KCNJ3: variants seen among roughly 807,000 people sequenced by gnomAD.
KCNJ3 encodes the protein G protein-activated inward rectifier potassium channel 1.
In KCNJ3, 4 loss-of-function variants were observed where a neutral mutation model predicts 39.2. The ratio of observed to expected loss-of-function variants is 0.10; its 90% CI spans 0.05 to 0.23. The LOEUF (loss-of-function observed/expected upper bound fraction) is 0.23. Among genes scored for constraint, KCNJ3 ranks in the 10% least tolerant of loss-of-function variants. The pLI, the probability that KCNJ3 is intolerant of heterozygous loss-of-function variation, is 1.00. For missense variants in KCNJ3, 276 were observed against 634.9 expected (o/e 0.43, Z 6.08); for synonymous variants, 230 against 237.4 (o/e 0.97, Z 0.29).
At chr2:154,815,279 A>G (rs531362583) in intron 2 of KCNJ3, among the ~76,000 whole-genome samples, 2 of 152,286 alleles carry the variant, frequency 1.3e-5, no homozygotes, top group South Asian at 4.1e-4. Context: ...GTAAACATAC[A>G]TGGTTATTAA....
At chr2:154,762,270 G>A (rs905502439) in intron 2 of KCNJ3, among the ~76,000 whole-genome samples, 16 of 152,252 alleles carry the variant, frequency 1.1e-4, no homozygotes, top group Non-Finnish European at 2.1e-4. Flanking sequence ...GGCTCTGATG[G>A]GATTCAACGT....
At chr2:154,724,917 G>GTATATATATATGTATATA (rs1685325678) in intron 2 of KCNJ3, among the ~76,000 whole-genome samples, 1 of 116,316 alleles carries the variant, frequency 8.6e-6, no homozygotes, top group African/African-American at 3.5e-5. Context: ...TACATATGAG[G>GTATATATATATGTATATA]TATATATATA....
chr2:154,733,541 C>T (rs930965457), intron 2 of KCNJ3, among the ~76,000 whole-genome samples: 2 of 152,124 alleles, frequency 1.3e-5, no homozygotes, highest in South Asian at 2.1e-4. Context: ...TATCCACTTG[C>T]GTTGTCTCAG....
At chr2:154,811,825 A>G (rs1432255291) in intron 2 of KCNJ3, among the ~76,000 whole-genome samples, 3 of 152,140 alleles carry the variant, frequency 2.0e-5, no homozygotes, top group Non-Finnish European at 4.4e-5. Flanking sequence ...GATGGGTGGT[A>G]TTTTACTTAA....
chr2:154,754,430 C>A (rs2017678), intron 2 of KCNJ3, among the ~76,000 whole-genome samples: 102,869 of 151,934 alleles, frequency 0.68, 38,529 homozygotes, highest in Non-Finnish European at 0.82. Flanking sequence ...TGTGCCACCA[C>A]GCCCAGCTAA....
intron 2 of KCNJ3, among the ~76,000 whole-genome samples, chr2:154,810,312 G>C (rs1412152987): frequency 6.6e-6 from 1 of 152,040 alleles, no homozygotes; most frequent in Non-Finnish European, 1.5e-5. Context: ...TTGAACTCTT[G>C]GACTCAAGGG....
At chr2:154,714,466 C>A (rs1009746220) in intron 2 of KCNJ3, among the ~76,000 whole-genome samples, 3 of 151,978 alleles carry the variant, frequency 2.0e-5, no homozygotes, top group Non-Finnish European at 4.4e-5. Flanking sequence ...CTAGATATTT[C>A]CTTTCTTTTA....
rs1397457495 is a variant in KCNJ3, at chr2:154,855,650, T to C, written c.*337T>C. ...TATATATATATATTTAAAGGGGAGA[T>C]ACTCTCCCTGACATTTCTAACATAT... On this transcript the variant is annotated 3_prime_UTR_variant, in exon 3 of 3. Coordinates refer to ENST00000295101, the MANE Select transcript of KCNJ3 (RefSeq NM_002239.4). 6.2e-6 allele frequency: 1 copy of C among 161,144 alleles called. No individual in the cohort carries two copies. Among genetic ancestry groups the C allele is most frequent in the African/African-American group, 2.4e-5 (1 of 41,418 alleles). The allele number at this position is 161,144 out of a possible 1,614,324, so 10.0% of individuals were successfully genotyped here.
At chr2:154,726,353 T>TA (rs962054029) in intron 2 of KCNJ3, among the ~76,000 whole-genome samples, 4 of 151,942 alleles carry the variant, frequency 2.6e-5, no homozygotes, top group African/African-American at 7.3e-5. Flanking sequence ...ACAAACACAT[T>TA]AAAAAATGCT....
At chr2:154,703,003 T>C (rs1361940923) in intron 1 of KCNJ3, among the ~76,000 whole-genome samples, 1 of 152,010 alleles carries the variant, frequency 6.6e-6, no homozygotes, top group East Asian at 1.9e-4. Context: ...CCAGTAGTTG[T>C]AATGTTGAAC....
intron 1 of KCNJ3, among the ~76,000 whole-genome samples, chr2:154,703,469 C>T: frequency 7.5e-6 from 1 of 133,860 alleles, no homozygotes; most frequent in South Asian, 2.5e-4. Context: ...TTCTTTTATC[C>T]TCCATATATA....
At chr2:154,841,469 C>CTCTT (rs1687576001) in intron 2 of KCNJ3, among the ~76,000 whole-genome samples, 1 of 152,182 alleles carries the variant, frequency 6.6e-6, no homozygotes, top group Non-Finnish European at 1.5e-5. Context: ...AGAGGATTCC[C>CTCTT]TCTTTTTCTG....
intron 2 of KCNJ3, among the ~76,000 whole-genome samples, chr2:154,791,811 T>C (rs934263030): frequency 1.3e-5 from 2 of 152,094 alleles, no homozygotes; most frequent in East Asian, 3.9e-4. Context: ...GAATGCTCAA[T>C]AGAATGTGAC....
chr2:154,748,749 GT>G (rs1685789042), intron 2 of KCNJ3, among the ~76,000 whole-genome samples: 1 of 152,064 alleles, frequency 6.6e-6, no homozygotes, highest in African/African-American at 2.4e-5. Context: ...AAATTCAAAT[GT>G]TTCTTTTAAG....
intron 2 of KCNJ3, among the ~76,000 whole-genome samples, chr2:154,776,908 G>C (rs1453028117): frequency 6.7e-6 from 1 of 148,704 alleles, no homozygotes; most frequent in Non-Finnish European, 1.5e-5. Flanking sequence ...CTTAAGAAGA[G>C]TGGAATTATG....
At chr2:154,830,061 GA>G (rs1428697395) in intron 2 of KCNJ3, among the ~76,000 whole-genome samples, 2 of 152,124 alleles carry the variant, frequency 1.3e-5, no homozygotes, top group African/African-American at 4.8e-5. Flanking sequence ...AACCTGTACA[GA>G]AAGTTCATCT....
chr2:154,765,467 T>G (rs953950057), intron 2 of KCNJ3, among the ~76,000 whole-genome samples: 7 of 152,234 alleles, frequency 4.6e-5, no homozygotes, highest in African/African-American at 1.7e-4. Context: ...TTGTTCTGCC[T>G]GGTTCCCTAC....
At chr2:154,751,155 A>T (rs1685838972) in intron 2 of KCNJ3, among the ~76,000 whole-genome samples, 3 of 151,968 alleles carry the variant, frequency 2.0e-5, no homozygotes, top group Admixed American at 2.0e-4. Flanking sequence ...GAAATAAAAA[A>T]ATTAAAAATC....
chr2:154,766,710 C>T (rs1356410367), intron 2 of KCNJ3, among the ~76,000 whole-genome samples: 2 of 152,074 alleles, frequency 1.3e-5, no homozygotes, highest in African/African-American at 2.4e-5. Context: ...CACATGCCAT[C>T]ATGCCTGGCT....
Sources: allele counts gnomAD v4.1 joint callset (sites outside exome capture counted in the v4.1 genomes callset), GRCh38; gene constraint gnomAD v4.1.1; transcripts MANE v1.5; gene names NCBI Gene and HGNC (gene_info 2026-07-23, HGNC 2026-07-21).